The following PCCA variants were observed in gnomAD, a reference collection of about 807,000 sequenced individuals.
PCCA encodes propionyl-CoA carboxylase alpha chain, mitochondrial.
Under a neutral mutation model 101.3 loss-of-function variants are expected in PCCA, and 74 were observed. The ratio of observed to expected loss-of-function variants is 0.73; its 90% CI spans 0.61 to 0.89. PCCA has a LOEUF of 0.89. Ranked by LOEUF, PCCA falls within the 40% of genes least tolerant of loss-of-function variation. The pLI is 0.00. For synonymous variants in PCCA, 294 were observed against 313.6 expected, an observed-to-expected ratio of 0.94 and a Z score of 0.66; for missense variants, 891 against 907.0, an observed-to-expected ratio of 0.98 and a Z score of 0.23.
At chr13:100,469,544 C>T (rs1407806725) in intron 21 of PCCA, among the ~76,000 whole-genome samples, 18 of 151,796 alleles carry the variant, frequency 1.2e-4, no homozygotes, top group Non-Finnish European at 2.4e-4. Context: ...TTTGGGAGGC[C>T]GAGGCGGGCG....
chr13:100,519,449 C>T (rs192083709), intron 22 of PCCA, among the ~76,000 whole-genome samples: 147 of 152,360 alleles, frequency 9.6e-4, no homozygotes, highest in Middle Eastern at 3.4e-3. Flanking sequence ...TTGTGAACAA[C>T]GCCTTAAAGG....
At chr13:100,149,212 T>G (rs1475202821) in intron 4 of PCCA, 1 of 151,782 alleles carries the variant, frequency 6.6e-6, no homozygotes, top group Non-Finnish European at 1.5e-5. Context: ...GCAGTTGGCT[T>G]TCCTTTAACC....
intron 7 of PCCA, among the ~76,000 whole-genome samples, chr13:100,228,016 C>G (rs1035068171): frequency 6.6e-6 from 1 of 151,942 alleles, no homozygotes; most frequent in South Asian, 2.1e-4. Context: ...TTATATTTGA[C>G]TTTTTCTTTT....
chr13:100,526,687 CAA>C (rs2087853958), intron 22 of PCCA, among the ~76,000 whole-genome samples: 1 of 152,262 alleles, frequency 6.6e-6, no homozygotes, highest in African/African-American at 2.4e-5. Flanking sequence ...TTGCCCGTTT[CAA>C]AGACTGGGAG....
At chr13:100,471,773 A>G (rs2083034348) in intron 21 of PCCA, among the ~76,000 whole-genome samples, 2 of 152,218 alleles carry the variant, frequency 1.3e-5, no homozygotes, top group African/African-American at 4.8e-5. Context: ...CTGTGTGCAG[A>G]CACAACACAG....
intron 6 of PCCA, among the ~76,000 whole-genome samples, chr13:100,171,400 GAC>G (rs1333814253): frequency 6.6e-6 from 1 of 152,156 alleles, no homozygotes; most frequent in Non-Finnish European, 1.5e-5. Context: ...ATAGGGTGAT[GAC>G]AGTCTTCTCT....
At position 100,346,513 on chromosome 13, in the gene PCCA, T is replaced by G. The variant is rs550647594; in HGVS notation, c.1643+6254T>G. Among the ~76,000 whole-genome samples the G allele has an allele frequency of 1.5e-3, 221 of 152,314 alleles. 2 individuals are homozygous for G. Among genetic ancestry groups the G allele is most frequent in the Non-Finnish European group, 2.6e-3 (180 of 68,030 alleles). The stretch of plus-strand genomic sequence containing the variant: ...AGAAATTTTGCTTAAAAAGCAAAGT[T>G]TTTAAGATGGACTCTGCTTCTGGTG... On this transcript the variant is annotated intron_variant, in intron 18 of 23. Transcript: ENST00000376285.
chr13:100,216,081 C>CCCCTTCCCCTCTCCTTCCCCTTT, intron 7 of PCCA, among the ~76,000 whole-genome samples: 1 of 146,330 alleles, frequency 6.8e-6, no homozygotes, highest in Non-Finnish European at 1.5e-5. Context: ...CCCTCCCCTT[C>CCCCTTCCCCTCTCCTTCCCCTTT]CCCTTCCCCT....
In PCCA at chr13:100,262,726, C is replaced by G. The variant is rs1247135420; in HGVS notation, c.717-3C>G. ...TCCTCCTTCTTCCTTCTTTTTTTCA[C>G]AGGGATGGTTTTAGATTGTCATCTC... On this transcript the variant is annotated splice_polypyrimidine_tract_variant and splice_region_variant and intron_variant, in intron 9 of 23. Coordinates refer to ENST00000376285, the MANE Select transcript of PCCA (RefSeq NM_000282.4). 2.5e-6 allele frequency: 3 copies of G among 1,199,264 alleles called. No individual in the cohort carries two copies. Among genetic ancestry groups the G allele is most frequent in the Non-Finnish European group, 3.5e-6 (3 of 858,656 alleles). The allele number at this position is 1,199,264 out of a possible 1,614,324, so 74.3% of individuals were successfully genotyped here. A position where few individuals can be genotyped will look rare whatever the true frequency, so the allele number is the denominator to read the frequency against.
At chr13:100,527,406 T>G in intron 22 of PCCA, 1 of 547,682 alleles carries the variant, frequency 1.8e-6, no homozygotes, top group South Asian at 1.5e-5. Flanking sequence ...GACTCAGAGA[T>G]CCCCAGGGTA....
chr13:100,369,440 T>C (rs2075424338), intron 19 of PCCA, among the ~76,000 whole-genome samples: 2 of 152,132 alleles, frequency 1.3e-5, no homozygotes, highest in African/African-American at 4.8e-5. Context: ...AGTTTCTTGA[T>C]CTCAGTGAGA....
intron 16 of PCCA, among the ~76,000 whole-genome samples, chr13:100,325,108 A>C (rs1039335649): frequency 6.6e-6 from 1 of 152,342 alleles, no homozygotes; most frequent in East Asian, 1.9e-4. Flanking sequence ...CATTGTAAAA[A>C]AAAATAAAAT....
At chr13:100,244,967 G>T (rs557831627) in intron 8 of PCCA, among the ~76,000 whole-genome samples, 110 of 149,362 alleles carry the variant, frequency 7.4e-4, no homozygotes, top group Non-Finnish European at 1.5e-3. Context: ...GTGTGTGTGC[G>T]CAGTAGTAGA....
At chr13:100,435,565 A>C (rs1404510873) in intron 20 of PCCA, among the ~76,000 whole-genome samples, 1 of 152,220 alleles carries the variant, frequency 6.6e-6, no homozygotes, top group Admixed American at 6.5e-5. Flanking sequence ...AAACTTCATA[A>C]GTTTAATATT....
chr13:100,269,843 C>T (rs528222460), intron 11 of PCCA, among the ~76,000 whole-genome samples: 92 of 152,292 alleles, frequency 6.0e-4, no homozygotes, highest in African/African-American at 2.1e-3. Context: ...AAAAATATGG[C>T]ATGGTGTTAT....
intron 4 of PCCA, among the ~76,000 whole-genome samples, chr13:100,138,517 C>G (rs1245803126): frequency 1.3e-5 from 2 of 152,176 alleles, no homozygotes; most frequent in Non-Finnish European, 2.9e-5. Flanking sequence ...ATTTCTGTTG[C>G]TCTTCCTTCA....
At chr13:100,354,421 G>A (rs1009726394) in intron 18 of PCCA, among the ~76,000 whole-genome samples, 3 of 151,360 alleles carry the variant, frequency 2.0e-5, no homozygotes, top group Non-Finnish European at 4.4e-5. Context: ...GAGAAGGAAA[G>A]GAAGGATCAA....
intron 6 of PCCA, among the ~76,000 whole-genome samples, chr13:100,201,941 C>T (rs1197289689): frequency 6.8e-6 from 1 of 147,844 alleles, no homozygotes; most frequent in Non-Finnish European, 1.5e-5. Flanking sequence ...AGTTTGCAAA[C>T]CTCTGTTGTA....
intron 22 of PCCA, among the ~76,000 whole-genome samples, chr13:100,516,037 G>A (rs935080498): frequency 6.6e-6 from 1 of 152,160 alleles, no homozygotes; most frequent in African/African-American, 2.4e-5. Context: ...CCATTACTTG[G>A]TAAATAAAAT....
Sources: gnomAD v4.1 joint callset for allele counts (sites outside exome capture counted in the v4.1 genomes callset) on GRCh38, gnomAD v4.1.1 for gene constraint, MANE v1.5 for transcripts, NCBI Gene and HGNC (gene_info 2026-07-23, HGNC 2026-07-21) for gene names.